KIF15: variants seen among roughly 807,000 people sequenced by gnomAD.
KIF15 encodes the protein kinesin family member 15.
A neutral mutation model predicts 190.6 loss-of-function variants in KIF15; 140 were observed. The ratio of observed to expected loss-of-function variants is 0.73; its 90% CI spans 0.64 to 0.84. KIF15 has a LOEUF of 0.84. Among genes scored for constraint, KIF15 ranks in the 40% least tolerant of loss-of-function variants. The probability of loss-of-function intolerance (pLI) is 0.00; values close to 1 mark genes in which losing one functional copy is unlikely to be tolerated. For synonymous variants in KIF15, 528 were observed against 551.3 expected (o/e 0.96, Z 0.59); for missense variants, 1,372 against 1,584.4 (o/e 0.87, Z 2.28).
In KIF15 at chr3:44,784,870, T is replaced by C. The variant is rs376627219; in HGVS notation, c.387T>C (p.Ser129=). The part of the protein sequence containing the change: ...MMGPSESDNF[S]HNLRGVIPRS... ...GACCATCTGAATCTGATAATTTTTC[T>C]CATAACCTGAGAGGAGTAATCCCAC... is the stretch of plus-strand genomic sequence containing the variant. The change falls in exon 6 of 35, where the codon TCT becomes TCC. Residue 129 remains serine, a synonymous_variant. Coordinates refer to ENST00000326047, the MANE Select transcript of KIF15 (RefSeq NM_020242.3). The C allele has an allele frequency of 7.0e-6, 11 of 1,565,132 alleles. No individual in the cohort carries two copies. The African/African-American group carries it at 1.5e-4, about 22-fold the overall frequency.
chr3:44,855,839 A>T (rs536089954), downstream of KIF15, among the ~76,000 whole-genome samples: 20 of 152,332 alleles, frequency 1.3e-4, no homozygotes, highest in African/African-American at 4.3e-4. Context: ...CAGGACATCC[A>T]ATTAGAGAGC....
chr3:44,866,455 C>T (rs1447630615), intron 6 of KIF15, among the ~76,000 whole-genome samples: 1 of 152,194 alleles, frequency 6.6e-6, no homozygotes, highest in Non-Finnish European at 1.5e-5. Context: ...ACTTTCCCAG[C>T]ACAGAGCCTG....
In KIF15 at chr3:44,794,411, AG is replaced by A; in HGVS notation, c.837del (p.Met280Ter). ...SERQKDTHAE[G>X]MRLKEAGNIN... is the part of the protein sequence containing the mutation. ...AAAGGCAAAAAGATACCCATGCAGA[AG>A]GGATGAGATTGAAGGTAAGAATGAA... On this transcript the variant is annotated frameshift_variant, in exon 8 of 35. Transcript: ENST00000326047. LOFTEE classifies it high-confidence loss of function. 6.2e-7 allele frequency: 1 copy of A among 1,602,798 alleles called. No individual in the cohort carries two copies. The highest frequency in any genetic ancestry group is 8.5e-7 in the Non-Finnish European group (1 of 1,173,728).
At position 44,791,270 on chromosome 3, in the gene KIF15, T is replaced by C. The variant is rs140870362; in HGVS notation, c.640-2947T>C. ...CTTTGCATCTTTGGTGAATTGACTGTACACATATGGGTTTATATCTAACTG... is the reference window on the plus strand; with the variant it reads ...CTTTGCATCTTTGGTGAATTGACTGCACACATATGGGTTTATATCTAACTG... On this transcript the variant is annotated intron_variant, in intron 7 of 34. Transcript: ENST00000326047. 6.6e-5 allele frequency among the ~76,000 whole-genome samples: 10 copies of C among 152,366 alleles called. No homozygotes were observed. In the East Asian group the frequency reaches 1.7e-3, roughly 26 times the overall value.
At chr3:44,805,484 CTTGA>C (rs1355088401) in intron 15 of KIF15, among the ~76,000 whole-genome samples, 1 of 152,150 alleles carries the variant, frequency 6.6e-6, no homozygotes, top group African/African-American at 2.4e-5. Context: ...AATATTCCTA[CTTGA>C]TTCTCACTAT....
At chr3:44,784,704 C>A in intron 5 of KIF15, 141 bp from the exon 6 acceptor site, 1 of 595,978 alleles carries the variant, frequency 1.7e-6, no homozygotes, top group Non-Finnish European at 3.0e-6. Flanking sequence ...CAATTTCTCT[C>A]ACAGACCTAG....
In KIF15 at chr3:44,801,770, G is replaced by T; in HGVS notation, c.1305G>T (p.Leu435=). 6.4e-7 allele frequency: 1 copy of T among 1,550,998 alleles called. No homozygotes were observed. The highest frequency in any genetic ancestry group is 8.8e-7 in the Non-Finnish European group (1 of 1,131,554). The change falls in exon 13 of 35, where the codon CTG becomes CTT. Residue 435 remains leucine, a synonymous_variant. Coordinates refer to ENST00000326047, the MANE Select transcript of KIF15 (RefSeq NM_020242.3). ...FKKSEQEKKS[L]IEKVTQLEDL... ...AAATTATGAATTTCTTTAAGTCTCTGATAGAAAAAGTTACCCAATTAGAAG... is the reference window on the plus strand; with the variant it reads ...AAATTATGAATTTCTTTAAGTCTCTTATAGAAAAAGTTACCCAATTAGAAG...
intron 5 of KIF15, among the ~76,000 whole-genome samples, chr3:44,781,395 T>C (rs1441120797): frequency 2.0e-5 from 3 of 152,252 alleles, no homozygotes; most frequent in African/African-American, 7.2e-5. Flanking sequence ...TGTTGTTGCA[T>C]GTAGTAGTAG....
intron 14 of KIF15, among the ~76,000 whole-genome samples, chr3:44,803,873 A>T (rs887586853): frequency 6.6e-6 from 1 of 152,078 alleles, no homozygotes; most frequent in Non-Finnish European, 1.5e-5. Context: ...TTTTTTTGAG[A>T]TGGAGTCTCA....
intron 16 of KIF15, among the ~76,000 whole-genome samples, chr3:44,808,829 AGAATTATAGAGCTT>A (rs1038472261): frequency 4.6e-5 from 7 of 152,166 alleles, no homozygotes; most frequent in Admixed American, 6.5e-5. Context: ...GAGGGACAGA[AGAATTATAGAGCTT>A]GAATTATAGA....
At chr3:44,769,534 C>G (rs1046259456) in intron 1 of KIF15, among the ~76,000 whole-genome samples, 4 of 152,190 alleles carry the variant, frequency 2.6e-5, no homozygotes, top group Non-Finnish European at 5.9e-5. Flanking sequence ...GTTCTCTAGA[C>G]CTCATTTATG....
At chr3:44,761,960 C>T (rs1705164411) in intron 1 of KIF15, 76 bp downstream of exon 1, 1 of 1,590,806 alleles carries the variant, frequency 6.3e-7, no homozygotes, top group Non-Finnish European at 8.6e-7. Context: ...AGCCTCGGAC[C>T]GCCCGCAAGG....
intron 22 of KIF15, chr3:44,827,144 A>G (rs1697707218): frequency 2.4e-6 from 1 of 421,598 alleles, no homozygotes; most frequent in African/African-American, 2.0e-5. Flanking sequence ...GAAACAGTGA[A>G]CAAAACATCC....
downstream of KIF15, among the ~76,000 whole-genome samples, chr3:44,854,852 C>T (rs928511678): frequency 3.3e-5 from 5 of 152,158 alleles, no homozygotes; most frequent in Admixed American, 1.3e-4. Flanking sequence ...CTTAGAAAGA[C>T]ACTAGTCATA....
intron 10 of KIF15, 39 bp from the exon 11 acceptor site, chr3:44,800,275 A>G: frequency 1.2e-6 from 2 of 1,602,690 alleles, no homozygotes; most frequent in East Asian, 4.5e-5. Context: ...ACTACTCAAA[A>G]AGCATTATTT....
chr3:44,864,846 G>T (rs1455773147), intron 6 of KIF15, among the ~76,000 whole-genome samples: 1 of 152,152 alleles, frequency 6.6e-6, no homozygotes, highest in African/African-American at 2.4e-5. Flanking sequence ...GTGCAGTGAG[G>T]GAGGTAGCCT....
chr3:44,846,764 T>C, intron 30 of KIF15, among the ~76,000 whole-genome samples: 1 of 137,826 alleles, frequency 7.3e-6, no homozygotes, highest in South Asian at 2.4e-4. Context: ...AGAGTAGGAC[T>C]CTGTCTCAAA....
Position 44,813,108 on chromosome 3 carries a change from C to G in KIF15, c.2311C>G (p.Gln771Glu). The G allele has an allele frequency of 6.3e-7, 1 of 1,593,246 alleles. No individual in the cohort carries two copies. Among genetic ancestry groups the G allele is most frequent in the African/African-American group, 1.4e-5 (1 of 73,502 alleles). The part of the protein sequence containing the change: ...FSSERIDWTK[Q>E]QEELLSQLNV... ...ATCAGAAAGAATTGATTGGACCAAA[C>G]AGCAGGAAGAGCTTCTCTCACAGTT... is the stretch of plus-strand genomic sequence containing the variant. Residue 771 changes from glutamine to glutamate, a missense_variant, in exon 19 of 35, where the codon CAG becomes GAG. Physicochemically the swap from Gln to Glu is conservative, Grantham distance 29. Coordinates refer to ENST00000326047, the MANE Select transcript of KIF15 (RefSeq NM_020242.3).
At chr3:44,862,149 G>A in intron 6 of KIF15, 2 of 1,062,192 alleles carry the variant, frequency 1.9e-6, no homozygotes, top group Non-Finnish European at 2.3e-6. Flanking sequence ...TGCTGCTGCT[G>A]CGGGCGGGCG....
Sources: allele counts gnomAD v4.1 joint callset (sites outside exome capture counted in the v4.1 genomes callset), GRCh38; gene constraint gnomAD v4.1.1; transcripts MANE v1.5; gene names NCBI Gene and HGNC (gene_info 2026-07-23, HGNC 2026-07-21).